CSPP1: variants seen among roughly 807,000 people sequenced by gnomAD.
CSPP1 encodes the protein centrosome and spindle pole associated protein 1, also known as centrosome and spindle pole-associated protein 1.
CSPP1 carries 126 observed loss-of-function variants against 164.4 expected under a neutral mutation model. That is an observed-to-expected ratio of 0.77 (90% CI 0.66 to 0.89). The LOEUF (loss-of-function observed/expected upper bound fraction) is 0.89. CSPP1 is among the 40% of genes least tolerant of loss of function. The probability of loss-of-function intolerance (pLI) is 0.00; values close to 1 mark genes in which losing one functional copy is unlikely to be tolerated. For missense variants in CSPP1, 1,395 were observed against 1,449.8 expected (o/e 0.96, Z 0.61); for synonymous variants, 472 against 476.7 (o/e 0.99, Z 0.13).
Position 67,103,123 on chromosome 8 carries a change from C to T in CSPP1, c.1010C>T (p.Ala337Val), listed in dbSNP as rs1455720993. 6.3e-7 allele frequency: 1 copy of T among 1,585,424 alleles called. No homozygotes were observed. The highest frequency in any genetic ancestry group is 8.7e-7 in the Non-Finnish European group (1 of 1,154,378). Residue 337 changes from alanine to valine, a missense_variant, in exon 8 of 31, where the codon GCT becomes GTT. Transcript: ENST00000678616. ...CAGTCAAACATAAGAATTTCATCTGCTGAAAATAAAAGGTACAGTATGTAA... is the reference window on the plus strand; with the variant it reads ...CAGTCAAACATAAGAATTTCATCTGTTGAAAATAAAAGGTACAGTATGTAA... The part of the protein sequence containing the change: ...IEQSNIRISS[A>V]ENKSAPDNET...
intron 15 of CSPP1, among the ~76,000 whole-genome samples, chr8:67,123,481 A>G (rs749147507): frequency 2.0e-5 from 3 of 152,198 alleles, no homozygotes; most frequent in Non-Finnish European, 4.4e-5. Context: ...TGAATCTAAA[A>G]GATGTCTCTA....
In CSPP1 at chr8:67,118,733, T is replaced by C; in HGVS notation, c.1619-10T>C. ...ATAAACTTTTTTTGTTTTTTTGTTT[T>C]TTCTTTAAGATGGTTCAGGAATGAT... On this transcript the variant is annotated splice_polypyrimidine_tract_variant and intron_variant, in intron 14 of 30. Coordinates refer to ENST00000678616, the MANE Select transcript of CSPP1 (RefSeq NM_001382391.1). The C allele has an allele frequency of 6.3e-7, 1 of 1,580,638 alleles. No homozygotes were observed. The highest frequency in any genetic ancestry group is 8.6e-7 in the Non-Finnish European group (1 of 1,163,218).
Position 67,148,730 on chromosome 8 carries a change from A to G in CSPP1, c.1976-1053A>G, listed in dbSNP as rs566005771. On this transcript the variant is annotated intron_variant, in intron 17 of 30. Transcript: ENST00000678616. ...GTTTAAGTTCACTTTCAGTGCTGCCATACTGTTGCAGTTTTTTGGTTTGTT... is the reference window on the plus strand; with the variant it reads ...GTTTAAGTTCACTTTCAGTGCTGCCGTACTGTTGCAGTTTTTTGGTTTGTT... Among the ~76,000 whole-genome samples the G allele has an allele frequency of 2.0e-5, 3 of 152,342 alleles. No individual in the cohort carries two copies. The South Asian group carries it at 6.2e-4, about 32-fold the overall frequency.
At chr8:67,192,066 GTTTTT>G (rs34907123) in intron 29 of CSPP1, among the ~76,000 whole-genome samples, 1 of 129,858 alleles carries the variant, frequency 7.7e-6, no homozygotes, top group Non-Finnish European at 1.6e-5. Context: ...TTGCTGATTT[GTTTTT>G]TTTTTTGTTT....
chr8:67,162,393 G>A (rs1374246069), intron 22 of CSPP1, among the ~76,000 whole-genome samples: 1 of 152,212 alleles, frequency 6.6e-6, no homozygotes, highest in Non-Finnish European at 1.5e-5. Context: ...AGCAGAGGAG[G>A]TGGAGGTCAG....
intron 18 of CSPP1, 46 bp from the exon 19 acceptor site, chr8:67,153,978 C>A: frequency 1.3e-6 from 1 of 780,972 alleles, no homozygotes; most frequent in South Asian, 1.6e-5. Context: ...GTTAAATTTT[C>A]TAAGCATTGG....
intron 23 of CSPP1, among the ~76,000 whole-genome samples, chr8:67,164,172 G>A (rs967818490): frequency 1.3e-5 from 2 of 152,076 alleles, no homozygotes; most frequent in Non-Finnish European, 2.9e-5. Context: ...CAAGAATATC[G>A]CTTCTGAAAT....
intron 22 of CSPP1, among the ~76,000 whole-genome samples, chr8:67,162,562 T>G (rs1229427388): frequency 6.6e-6 from 1 of 152,220 alleles, no homozygotes; most frequent in African/African-American, 2.4e-5. Context: ...AGGTCTGTGG[T>G]AGATAATGCA....
chr8:67,065,625 T>C (rs1805383711), intron 1 of CSPP1: 1 of 484,668 alleles, frequency 2.1e-6, no homozygotes, highest in African/African-American at 2.1e-5. Context: ...TCCACAAGGA[T>C]CAAGTTTTTT....
Position 67,195,596 on chromosome 8 carries a change from TAA to T in CSPP1, c.*5_*6del. ...GCCTGTCGACTGCACATGGTTAAAA[TAA>T]ACCTGTACTGGACCCAGTAGTGCCT... On this transcript the variant is annotated 3_prime_UTR_variant, in exon 31 of 31. Transcript: ENST00000678616. 1 of 1,613,446 alleles carries T rather than the reference TAA, an allele frequency of 6.2e-7. No individual in the cohort carries two copies. The highest frequency in any genetic ancestry group is 8.5e-7 in the Non-Finnish European group (1 of 1,179,496).
chr8:67,194,170 T>TAC (rs1837218529), intron 30 of CSPP1, among the ~76,000 whole-genome samples: 1 of 152,330 alleles, frequency 6.6e-6, no homozygotes, highest in South Asian at 2.1e-4. Context: ...CTGCCAGCCC[T>TAC]ACACCACCCT....
At chr8:67,130,284 G>A (rs1820954267) in intron 15 of CSPP1, among the ~76,000 whole-genome samples, 1 of 152,106 alleles carries the variant, frequency 6.6e-6, no homozygotes, top group South Asian at 2.1e-4. Flanking sequence ...TTTTGGGGGA[G>A]TCAGGGAGGA....
chr8:67,163,140 T>TG (rs1451627880), intron 22 of CSPP1, among the ~76,000 whole-genome samples: 1 of 152,100 alleles, frequency 6.6e-6, no homozygotes, highest in Non-Finnish European at 1.5e-5. Context: ...ATGTGTCACT[T>TG]GGGGGTCACT....
At chr8:67,192,724 C>T (rs569280291) in intron 29 of CSPP1, among the ~76,000 whole-genome samples, 2 of 152,324 alleles carry the variant, frequency 1.3e-5, no homozygotes, top group South Asian at 4.1e-4. Context: ...CATTCTTTTG[C>T]ATGTGGCCAT....
At chr8:67,079,779 A>C (rs1808765561) in intron 3 of CSPP1, among the ~76,000 whole-genome samples, 2 of 152,094 alleles carry the variant, frequency 1.3e-5, no homozygotes, top group Admixed American at 6.5e-5. Context: ...GTAGTTTTGA[A>C]CTTATTCAGC....
chr8:67,119,826 C>T (rs764937273), intron 15 of CSPP1, among the ~76,000 whole-genome samples: 19 of 152,048 alleles, frequency 1.2e-4, no homozygotes, highest in African/African-American at 3.4e-4. Context: ...AATATTTGCT[C>T]CCATTCTGTC....
chr8:67,111,999 G>T lies in CSPP1; in HGVS notation c.1121G>T (p.Arg374Ile). ...GGTGAAGATCGAGAACTTATTCAGAGAAGGAAAGAGAAATACAGACTAGAA... is the reference window on the plus strand; with the variant it reads ...GGTGAAGATCGAGAACTTATTCAGATAAGGAAAGAGAAATACAGACTAGAA... Reference protein sequence around the residue: ...FGGEDRELIQRRKEKYRLELL... With the variant: ...FGGEDRELIQIRKEKYRLELL... Residue 374 changes from arginine to isoleucine, a missense_variant, in exon 10 of 31, where the codon AGA (arginine) becomes ATA (isoleucine). By Grantham distance (97) the Arg-to-Ile change is moderately conservative. Coordinates refer to ENST00000678616, the MANE Select transcript of CSPP1 (RefSeq NM_001382391.1). 6.2e-7 allele frequency: 1 copy of T among 1,610,598 alleles called. No individual in the cohort carries two copies. Among genetic ancestry groups the T allele is most frequent in the Non-Finnish European group, 8.5e-7 (1 of 1,178,112 alleles).
rs144546034 is a variant in CSPP1, at chr8:67,065,305, T to C, written c.-11+767T>C. Among the ~76,000 whole-genome samples the C allele has an allele frequency of 7.7e-4, 118 of 152,262 alleles. 1 individual carries two copies. Among genetic ancestry groups the C allele is most frequent in the African/African-American group, 2.7e-3 (111 of 41,552 alleles). ...TCCAGTTGTCAGTACATGTTATTAA[T>C]GGGACTCATCTTTTGAGAGAGGCTA... On this transcript the variant is annotated intron_variant, in intron 1 of 30. Transcript: ENST00000678616.
At chr8:67,092,539 G>A (rs1811832887) in intron 5 of CSPP1, among the ~76,000 whole-genome samples, 1 of 152,136 alleles carries the variant, frequency 6.6e-6, no homozygotes, top group Admixed American at 6.5e-5. Context: ...CCCAGTTCAA[G>A]CGATTCTCCT....
Sources: allele counts gnomAD v4.1 joint callset (sites outside exome capture counted in the v4.1 genomes callset), GRCh38; gene constraint gnomAD v4.1.1; transcripts MANE v1.5; gene names NCBI Gene and HGNC (gene_info 2026-07-23, HGNC 2026-07-21).